PLIN2: variants seen among roughly 807,000 people sequenced by gnomAD.
PLIN2 encodes perilipin-2.
A neutral mutation model predicts 30.6 loss-of-function variants in PLIN2; 33 were observed. That is an observed-to-expected ratio of 1.08 (90% CI 0.82 to 1.44). The LOEUF is 1.44. Among genes scored for constraint, PLIN2 ranks in the 40% most tolerant of loss-of-function variants. PLIN2 has a pLI of 0.00. For missense variants in PLIN2, 610 were observed against 531.8 expected (o/e 1.15, Z -1.45); for synonymous variants, 205 against 201.1 (o/e 1.02, Z -0.16).
rs1442178536 is a variant in PLIN2 at position 19,119,675 on chromosome 9, G to C, written c.752C>G (p.Ser251Cys). The C allele has an allele frequency of 2.5e-6, 4 of 1,604,494 alleles. No individual in the cohort carries two copies. Among genetic ancestry groups the C allele is most frequent in the Non-Finnish European group, 3.4e-6 (4 of 1,174,302 alleles). The change falls in exon 6 of 8, where the codon TCT (serine) becomes TGT (cysteine). Residue 251 changes from serine to cysteine, a missense_variant. Physicochemically the swap from Ser to Cys is moderately radical, Grantham distance 112. Coordinates refer to ENST00000276914, the MANE Select transcript of PLIN2 (RefSeq NM_001122.4). The part of the protein sequence containing the change: ...EAKQKSQQTI[S>C]QLHSTVHLIE... ...CAGGTGAACAGTAGAATGGAGCTGA[G>C]AAATGGTCTGTTGGCTTTTTTGCTT...
intron 7 of PLIN2, among the ~76,000 whole-genome samples, chr9:19,117,543 A>C (rs1818247095): frequency 6.6e-6 from 1 of 151,078 alleles, no homozygotes; most frequent in Non-Finnish European, 1.5e-5. Flanking sequence ...TCAGCTTACC[A>C]TTCATCTCTT....
chr9:19,116,097 A>T lies in PLIN2; in HGVS notation c.*151T>A. 1.6e-6 allele frequency: 1 copy of T among 641,948 alleles called. No homozygotes were observed. The highest frequency in any genetic ancestry group is 2.5e-6 in the Non-Finnish European group (1 of 395,932). The allele number at this position is 641,948 out of a possible 1,614,324, so 39.8% of individuals were successfully genotyped here. ...ATCATCTGCTAATGCCAGAAACTTT[A>T]AAGCTCTTAATTCAGCTGGAAACAA... On this transcript the variant is annotated 3_prime_UTR_variant, in exon 8 of 8. Coordinates refer to ENST00000276914, the MANE Select transcript of PLIN2 (RefSeq NM_001122.4).
rs1818302870 is a variant in PLIN2 at position 19,120,863 on chromosome 9, G to C, written c.595+17C>G. The stretch of plus-strand genomic sequence containing the variant: ...GATTTAATATAAAACAGTATTTCAA[G>C]ATAAAATTCCAGTTACCTAGTTCTT... On this transcript the variant is annotated intron_variant, in intron 5 of 7. Coordinates refer to ENST00000276914, the MANE Select transcript of PLIN2 (RefSeq NM_001122.4). The C allele has an allele frequency of 2.5e-6, 4 of 1,592,916 alleles. No homozygotes were observed. The highest frequency in any genetic ancestry group is 3.4e-6 in the Non-Finnish European group (4 of 1,160,952).
At chr9:19,125,894 G>T in intron 3 of PLIN2, 1 of 446,244 alleles carries the variant, frequency 2.2e-6, no homozygotes, top group Non-Finnish European at 4.0e-6. Flanking sequence ...CTGAACTCCA[G>T]CCTGAGTGAT....
chr9:19,121,124 A>T lies in PLIN2; in HGVS notation c.351T>A (p.Asp117Glu). 6.2e-7 allele frequency: 1 copy of T among 1,614,204 alleles called. No individual in the cohort carries two copies. The highest frequency in any genetic ancestry group is 1.6e-4 in the Middle Eastern group (1 of 6,062). Reference protein sequence around the residue: ...NAKGAVTGAKDAVTTTVTGAK... With the variant: ...NAKGAVTGAKEAVTTTVTGAK... ...CCCCAGTCACAGTAGTCGTCACAGCATCTTTTGCCCCAGTCACAGCGCCTT... is the reference window on the plus strand; with the variant it reads ...CCCCAGTCACAGTAGTCGTCACAGCTTCTTTTGCCCCAGTCACAGCGCCTT... The change falls in exon 5 of 8, where the codon GAT becomes GAA. Residue 117 changes from aspartate to glutamate, a missense_variant. Asp to Glu is a conservative substitution (Grantham distance 45). Transcript: ENST00000276914.
At chr9:19,115,389 G>C (rs1818206057), downstream of PLIN2, among the ~76,000 whole-genome samples, 1 of 150,710 alleles carries the variant, frequency 6.6e-6, no homozygotes, top group African/African-American at 2.4e-5. Context: ...CTCACTGCAA[G>C]CTCTGCCTCC....
chr9:19,120,721 C>A (rs189508306), intron 5 of PLIN2, among the ~76,000 whole-genome samples, 159 bp downstream of exon 5: 1 of 152,224 alleles, frequency 6.6e-6, no homozygotes, highest in East Asian at 1.9e-4. Flanking sequence ...TGCAAACAGG[C>A]ATGAGGATCT....
At chr9:19,112,213 G>C (rs543106265), downstream of PLIN2, among the ~76,000 whole-genome samples, 1 of 152,100 alleles carries the variant, frequency 6.6e-6, no homozygotes, top group South Asian at 2.1e-4. Flanking sequence ...TATCATTACA[G>C]GCAAAGGAAA....
rs1818225340 is a variant in PLIN2 at position 19,116,452 on chromosome 9, G to A, written c.1110C>T (p.Leu370=). The change falls in exon 8 of 8, where the codon CTC becomes CTT. Residue 370 remains leucine (L), a synonymous_variant. Coordinates refer to ENST00000276914, the MANE Select transcript of PLIN2 (RefSeq NM_001122.4). Reference sequence around the variant, plus strand: ...GCAGCTGCCCCTTGCTAGAAGTGAGGAGGCTGTCAGACACTTCTTTAAAGG... The same window carrying A: ...GCAGCTGCCCCTTGCTAGAAGTGAGAAGGCTGTCAGACACTTCTTTAAAGG... ...AASFKEVSDS[L]LTSSKGQLQK... The A allele has an allele frequency of 6.2e-7, 1 of 1,614,056 alleles. No homozygotes were observed. The highest frequency in any genetic ancestry group is 1.7e-5 in the Admixed American group (1 of 59,988).
chr9:19,125,939 GAAAGA>G (rs1366236153), intron 3 of PLIN2, 170 bp downstream of exon 3: 3 of 529,250 alleles, frequency 5.7e-6, no homozygotes, highest in East Asian at 3.0e-5. Flanking sequence ...AAAAAAAAAG[GAAAGA>G]AAAGAAAAGA....
chr9:19,121,622 G>A (rs1377438233), intron 4 of PLIN2, among the ~76,000 whole-genome samples: 3 of 152,152 alleles, frequency 2.0e-5, no homozygotes, highest in African/African-American at 4.8e-5. Flanking sequence ...GGCCCTCGGG[G>A]TGTTATTAGT....
At chr9:19,112,047 C>T (rs1052150583), downstream of PLIN2, among the ~76,000 whole-genome samples, 1 of 152,144 alleles carries the variant, frequency 6.6e-6, no homozygotes, top group African/African-American at 2.4e-5. Context: ...ATGCCTCTAG[C>T]GCAAATTTAA....
In PLIN2 at chr9:19,127,419, C is replaced by G. The variant is rs1465805914; in HGVS notation, c.-23G>C. 1 of 152,244 alleles carries G rather than the reference C, an allele frequency of 6.6e-6. No homozygotes were observed. The highest frequency in any genetic ancestry group is 6.5e-5 in the Admixed American group (1 of 15,282). 9.4% of individuals were successfully genotyped at this position (152,244 alleles called of 1,614,324 possible). Reference sequence around the variant, plus strand: ...GGGCACCCACTGGGCGCGCACTCACCGACGGACTGCAGCGAAAGGCGAAGA... The same window carrying G: ...GGGCACCCACTGGGCGCGCACTCACGGACGGACTGCAGCGAAAGGCGAAGA... On this transcript the variant is annotated splice_region_variant and 5_prime_UTR_variant, in exon 1 of 8. Transcript: ENST00000276914. This position sits in a 1 kb window ranked among gnomAD's most constrained non-coding sequence, Gnocchi z 4.3.
chr9:19,116,036 C>G lies in PLIN2; in HGVS notation c.*212G>C, dbSNP rs1818215914. 2 of 465,258 alleles carry G rather than the reference C, an allele frequency of 4.3e-6. No homozygotes were observed. The allele number at this position is 465,258 out of a possible 1,614,324, so 28.8% of individuals were successfully genotyped here. On this transcript the variant is annotated 3_prime_UTR_variant, in exon 8 of 8. Transcript: ENST00000276914. ...TCTGAGTTCTGGCTATAGGCTCTGA[C>G]AAGCCTATCATTCTTTTCTTACCAG...
chr9:19,117,621 CTTT>C, intron 7 of PLIN2, among the ~76,000 whole-genome samples: 1 of 137,424 alleles, frequency 7.3e-6, no homozygotes, highest in East Asian at 2.1e-4. Flanking sequence ...CATATGTTTT[CTTT>C]TTTTTTTTTT....
At chr9:19,126,060 G>A in intron 3 of PLIN2, 54 bp downstream of exon 3, 6 of 1,498,658 alleles carry the variant, frequency 4.0e-6, no homozygotes, top group Non-Finnish European at 5.5e-6. Context: ...TGTGAGCTCA[G>A]GGGCTCGCCA....
At chr9:19,119,361 A>G (rs910227319) in intron 6 of PLIN2, among the ~76,000 whole-genome samples, 1 of 152,226 alleles carries the variant, frequency 6.6e-6, no homozygotes, top group African/African-American at 2.4e-5. Flanking sequence ...CAAGAGCTGC[A>G]CAAGTGTGGT....
intron 7 of PLIN2, among the ~76,000 whole-genome samples, chr9:19,117,335 A>AT (rs774185366): frequency 3.3e-5 from 5 of 151,708 alleles, no homozygotes; most frequent in Non-Finnish European, 7.4e-5. Context: ...TAATTTTTGT[A>AT]TTTTTTGTAG....
downstream of PLIN2, among the ~76,000 whole-genome samples, chr9:19,115,501 G>C (rs1818207502): frequency 6.6e-6 from 1 of 151,900 alleles, no homozygotes; most frequent in South Asian, 2.1e-4. Context: ...TAGAGATGGG[G>C]TTTCACCGTG....
Sources: gnomAD v4.1 joint callset for allele counts (sites outside exome capture counted in the v4.1 genomes callset) on GRCh38, gnomAD v4.1.1 for gene constraint, Gnocchi (gnomAD v3.1) non-coding constraint, MANE v1.5 for transcripts, NCBI Gene and HGNC (gene_info 2026-07-23, HGNC 2026-07-21) for gene names.